The following CMTM1 variants were observed in gnomAD, a reference collection of about 807,000 sequenced individuals.
CMTM1 encodes the protein CKLF like MARVEL transmembrane domain containing 1.
CMTM1 carries 16 observed loss-of-function variants against 17.8 expected under a neutral mutation model. The ratio of observed to expected loss-of-function variants is 0.90; its 90% CI spans 0.61 to 1.37. The LOEUF (loss-of-function observed/expected upper bound fraction) is 1.37. CMTM1 is among the 40% of genes most tolerant of loss of function. The probability of loss-of-function intolerance (pLI) is 0.00; values close to 1 mark genes in which losing one functional copy is unlikely to be tolerated. For synonymous variants in CMTM1, 169 were observed against 154.6 expected, an observed-to-expected ratio of 1.09 and a Z score of -0.69; for missense variants, 354 against 375.6, an observed-to-expected ratio of 0.94 and a Z score of 0.47.
intron 2 of CMTM1, among the ~76,000 whole-genome samples, chr16:66,573,688 T>TC (rs1567376213): frequency 1.4e-5 from 2 of 145,246 alleles, no homozygotes; most frequent in Non-Finnish European, 3.0e-5. Flanking sequence ...TTTTTCTTTT[T>TC]TTTTTTTTTT....
chr16:66,569,429 C>T (rs761733319), intron 1 of CMTM1, among the ~76,000 whole-genome samples: 1 of 152,104 alleles, frequency 6.6e-6, no homozygotes, highest in African/African-American at 2.4e-5. Flanking sequence ...GAAGGAAGCA[C>T]CAATTCAATG....
intron 1 of CMTM1, among the ~76,000 whole-genome samples, chr16:66,568,791 CAGG>C (rs779731086): frequency 1.3e-5 from 2 of 151,106 alleles, no homozygotes; most frequent in African/African-American, 2.4e-5. Flanking sequence ...GAGGCTGCGG[CAGG>C]AGAATTGTTC....
At chr16:66,578,269 GTTCACC>G (rs1200428867) in intron 3 of CMTM1, among the ~76,000 whole-genome samples, 1 of 152,030 alleles carries the variant, frequency 6.6e-6, no homozygotes, top group Non-Finnish European at 1.5e-5. Context: ...CTCCAGCCTG[GTTCACC>G]TTCCATTCAC....
At position 66,569,924 on chromosome 16, in the gene CMTM1, C is replaced by G; in HGVS notation, c.433-12C>G. On this transcript the variant is annotated splice_polypyrimidine_tract_variant and intron_variant, in intron 1 of 3. Coordinates refer to ENST00000379500, the MANE Select transcript of CMTM1 (RefSeq NM_052999.4). Reference sequence around the variant, plus strand: ...TCATGCATTAAAACAAATCCTGTTTCTTTTATTGCAGAGTCTTATCTTAGG... The same window carrying G: ...TCATGCATTAAAACAAATCCTGTTTGTTTTATTGCAGAGTCTTATCTTAGG... 1 of 1,567,810 alleles carries G rather than the reference C, an allele frequency of 6.4e-7. No individual in the cohort carries two copies. Among genetic ancestry groups the G allele is most frequent in the Non-Finnish European group, 8.6e-7 (1 of 1,162,342 alleles).
intron 2 of CMTM1, among the ~76,000 whole-genome samples, chr16:66,570,798 A>T (rs1261884495): frequency 3.3e-5 from 5 of 152,218 alleles, no homozygotes; most frequent in African/African-American, 9.6e-5. Flanking sequence ...AGAAATACAG[A>T]GAAGGAAAAG....
chr16:66,578,857 G>A lies in CMTM1; in HGVS notation c.717G>A (p.Val239=), dbSNP rs1567380659. ...GGSLCLTAVI[V]CCIDAFVVTT... The stretch of plus-strand genomic sequence containing the variant: ...CCCTGTGTCTCACAGCGGTAATCGT[G>A]TGTTGCATCGATGCGTTTGTGGTCA... The change falls in exon 4 of 4, where the codon GTG becomes GTA. Residue 239 remains valine (V), a synonymous_variant. Coordinates refer to ENST00000379500, the MANE Select transcript of CMTM1 (RefSeq NM_052999.4). The A allele has an allele frequency of 1.9e-6, 3 of 1,614,206 alleles. No individual in the cohort carries two copies. Among genetic ancestry groups the A allele is most frequent in the Non-Finnish European group, 2.5e-6 (3 of 1,180,032 alleles).
chr16:66,577,268 C>A, intron 3 of CMTM1, 66 bp downstream of exon 3: 1 of 1,361,408 alleles, frequency 7.3e-7, no homozygotes, highest in African/African-American at 1.4e-5. Flanking sequence ...GGGAAATTGG[C>A]AGACCCCATT....
At chr16:66,577,276 A>G in intron 3 of CMTM1, 74 bp downstream of exon 3, 1 of 1,242,072 alleles carries the variant, frequency 8.1e-7, no homozygotes, top group Non-Finnish European at 1.2e-6. Context: ...GGCAGACCCC[A>G]TTATATCATT....
Position 66,566,862 on chromosome 16 carries a change from C to T in CMTM1, c.349C>T (p.Arg117Ter), listed in dbSNP as rs140706635. ...EMAIKERVEGRAKVPYKFRDS... is the reference protein window; with the variant it reads ...EMAIKERVEG ...GGCGATCAAAGAGCGCGTGGAGGGCCGAGCCAAAGTCCCGTACAAATTCAG... is the reference window on the plus strand; with the variant it reads ...GGCGATCAAAGAGCGCGTGGAGGGCTGAGCCAAAGTCCCGTACAAATTCAG... Residue 117 changes from arginine (R) to a stop codon, truncating the protein, a stop_gained, in exon 1 of 4, where the codon CGA becomes TGA. Coordinates refer to ENST00000379500, the MANE Select transcript of CMTM1 (RefSeq NM_052999.4). LOFTEE classifies it high-confidence loss of function. This position sits in a 1 kb window ranked among gnomAD's most constrained non-coding sequence, Gnocchi z 4.9. The T allele has an allele frequency of 2.5e-6, 4 of 1,612,250 alleles. No individual in the cohort carries two copies. Among genetic ancestry groups the T allele is most frequent in the Non-Finnish European group, 2.5e-6 (3 of 1,179,908 alleles).
In CMTM1 at chr16:66,578,974, C is replaced by G; in HGVS notation, c.834C>G (p.Gly278=). The part of the protein sequence containing the change: ...SPAKDAYPET[G]PDAPQRPA The stretch of plus-strand genomic sequence containing the variant: ...CCAAGGACGCCTACCCCGAAACCGG[C>G]CCCGACGCCCCGCAGAGGCCCGCCT... The change falls in exon 4 of 4, where the codon GGC becomes GGG. Residue 278 remains glycine (G), a synonymous_variant. Coordinates refer to ENST00000379500, the MANE Select transcript of CMTM1 (RefSeq NM_052999.4). The G allele has an allele frequency of 6.2e-7, 1 of 1,613,812 alleles. No individual in the cohort carries two copies. Among genetic ancestry groups the G allele is most frequent in the Non-Finnish European group, 8.5e-7 (1 of 1,179,978 alleles).
intron 2 of CMTM1, chr16:66,571,192 T>G (rs902315551): frequency 6.6e-6 from 3 of 457,242 alleles, no homozygotes; most frequent in South Asian, 3.1e-5. Context: ...ATTGAACATG[T>G]GGAAGACCCT....
chr16:66,573,650 C>T (rs935559724), intron 2 of CMTM1, among the ~76,000 whole-genome samples: 19 of 148,894 alleles, frequency 1.3e-4, no homozygotes, highest in Admixed American at 1.1e-3. Flanking sequence ...ACAAATACTA[C>T]ATTTTGTGAA....
intron 3 of CMTM1, among the ~76,000 whole-genome samples, chr16:66,577,973 C>T (rs1030265869): frequency 6.6e-6 from 1 of 152,214 alleles, no homozygotes; most frequent in Non-Finnish European, 1.5e-5. Context: ...GAGCTCAGTG[C>T]TGGGGATAGA....
chr16:66,569,821 A>G (rs1306847864), intron 1 of CMTM1, 115 bp from the exon 2 acceptor site: 8 of 653,366 alleles, frequency 1.2e-5, no homozygotes, highest in Non-Finnish European at 2.0e-5. Context: ...AATGTTAAAA[A>G]TGTATGTGCA....
chr16:66,575,267 A>C (rs1347993466), intron 2 of CMTM1: 1 of 942,714 alleles, frequency 1.1e-6, no homozygotes, highest in Non-Finnish European at 1.3e-6. Flanking sequence ...CACTCCCACC[A>C]GCTACTAGAT....
intron 3 of CMTM1, 81 bp from the exon 4 acceptor site, chr16:66,578,750 T>G (rs770241060): frequency 1.2e-5 from 18 of 1,553,702 alleles, no homozygotes; most frequent in Non-Finnish European, 1.5e-5. Flanking sequence ...CCACCCTGGA[T>G]AGGGATAGGT....
At chr16:66,567,013 C>A in intron 1 of CMTM1, 68 bp downstream of exon 1, 1 of 1,528,368 alleles carries the variant, frequency 6.5e-7, no homozygotes, top group Non-Finnish European at 9.0e-7. Context: ...GAAATGCCCA[C>A]GGGGTGCCAG....
In CMTM1 at chr16:66,567,088, C is replaced by G. The variant is rs1285347910; in HGVS notation, c.432+143C>G. 5.0e-6 allele frequency: 4 copies of G among 794,964 alleles called. No individual in the cohort carries two copies. The Admixed American group carries it at 8.0e-5, about 16-fold the overall frequency. The allele number at this position is 794,964 out of a possible 1,614,324, so 49.2% of individuals were successfully genotyped here. ...TGTTTTGCCTCACCTTTCCTCCCCA[C>G]CACCCCCTGCTCCCCACACACTAAA... On this transcript the variant is annotated intron_variant, in intron 1 of 3. Transcript: ENST00000379500.
At position 66,566,657 on chromosome 16, in the gene CMTM1, C is replaced by T. The variant is rs1053217799; in HGVS notation, c.144C>T (p.Thr48=). The change falls in exon 1 of 4, where the codon ACC becomes ACT. Residue 48 remains threonine, a synonymous_variant. Coordinates refer to ENST00000379500, the MANE Select transcript of CMTM1 (RefSeq NM_052999.4). The surrounding 1 kb of genome is among the most constrained non-coding windows in gnomAD (Gnocchi z 4.9). ...PKAQRNISAK[T]APRKHPAVSI... is the part of the protein sequence containing the mutation. ...CACAGCGCAACATCTCAGCGAAGACCGCACCCCGGAAGCACCCCGCAGTCT... is the reference window on the plus strand; with the variant it reads ...CACAGCGCAACATCTCAGCGAAGACTGCACCCCGGAAGCACCCCGCAGTCT... 3.1e-6 allele frequency: 5 copies of T among 1,613,830 alleles called. No homozygotes were observed. The African/African-American group carries it at 4.0e-5, about 13-fold the overall frequency.
Sources: allele counts gnomAD v4.1 joint callset (sites outside exome capture counted in the v4.1 genomes callset), GRCh38; gene constraint gnomAD v4.1.1; non-coding constraint Gnocchi (gnomAD v3.1); transcripts MANE v1.5; gene names NCBI Gene and HGNC (gene_info 2026-07-23, HGNC 2026-07-21).